Variants in RPS6KA3 observed in about 807,000 individuals in gnomAD.
RPS6KA3 encodes the protein ribosomal protein S6 kinase A3.
In RPS6KA3, 4 loss-of-function variants were observed where a neutral mutation model predicts 67.2. That is an observed-to-expected ratio of 0.06 (90% CI 0.03 to 0.14). RPS6KA3 has a LOEUF of 0.14. Among genes scored for constraint, RPS6KA3 ranks in the 10% least tolerant of loss-of-function variants. The probability of loss-of-function intolerance (pLI) is 1.00; values close to 1 mark genes in which losing one functional copy is unlikely to be tolerated. For synonymous variants in RPS6KA3, 182 were observed against 183.7 expected (o/e 0.99, Z 0.07); for missense variants, 204 against 559.0 (o/e 0.36, Z 6.40).
At chrX:20,261,472 T>C (rs1002493333) in intron 1 of RPS6KA3, among the ~76,000 whole-genome samples, 2 of 112,378 alleles carry the variant, frequency 1.8e-5, no homozygotes, top group Non-Finnish European at 3.8e-5. Context: ...AAAGTTTATC[T>C]TTCAACAGTT....
At position 20,162,974 on chromosome X, in the gene RPS6KA3, T is replaced by C. The variant is rs1413484122; in HGVS notation, c.1831A>G (p.Met611Val). The C allele has an allele frequency of 4.3e-6, 5 of 1,151,405 alleles. No individual in the cohort carries two copies. Among genetic ancestry groups the C allele is most frequent in the Non-Finnish European group, 6.0e-6 (5 of 840,210 alleles). 94.9% of individuals were successfully genotyped at this position (1,151,405 alleles called of 1,213,427 possible). ...ATGGTATACACTCACCCGGTAAGCA[T>C]TGTATAGAGTAGGACACCAAGACTC... ...IWSLGVLLYT[M>V]LTGYTPFANG... Residue 611 changes from methionine (M) to valine (V), a missense_variant, in exon 19 of 22, where the codon ATG becomes GTG. This residue lies in a region of RPS6KA3 where 73 missense variants were observed against 241.1 expected (regional missense o/e 0.30). Transcript: ENST00000379565.
intron 1 of RPS6KA3, among the ~76,000 whole-genome samples, chrX:20,260,059 T>C (rs761097944): frequency 1.8e-5 from 2 of 111,671 alleles, no homozygotes; most frequent in African/African-American, 6.5e-5. Flanking sequence ...ACAAATGTAT[T>C]TATAGTAATG....
chrX:20,182,295 CAT>C (rs1441497051), intron 10 of RPS6KA3, among the ~76,000 whole-genome samples: 1 of 111,748 alleles, frequency 8.9e-6, no homozygotes, highest in African/African-American at 3.3e-5. Context: ...CAAATAGAAT[CAT>C]ATAGTACTTT....
At chrX:20,213,616 G>A (rs1239988517) in intron 2 of RPS6KA3, among the ~76,000 whole-genome samples, 1 of 110,242 alleles carries the variant, frequency 9.1e-6, no homozygotes, top group Non-Finnish European at 1.9e-5. Context: ...CATTTCCTGA[G>A]TTAATGGGCG....
At chrX:20,201,996 T>A (rs1368369853) in intron 4 of RPS6KA3, among the ~76,000 whole-genome samples, 1 of 102,930 alleles carries the variant, frequency 9.7e-6, no homozygotes, top group Non-Finnish European at 2.0e-5. Context: ...TTTTTTTTTT[T>A]GAGACGGAGT....
chrX:20,260,370 T>C (rs1037185925), intron 1 of RPS6KA3, among the ~76,000 whole-genome samples: 1 of 112,052 alleles, frequency 8.9e-6, no homozygotes, highest in Non-Finnish European at 1.9e-5. Flanking sequence ...TGACATCCCA[T>C]GGACTGTGAG....
chrX:20,211,521 G>A (rs1433344788), intron 2 of RPS6KA3, among the ~76,000 whole-genome samples: 1 of 107,461 alleles, frequency 9.3e-6, no homozygotes, highest in African/African-American at 3.4e-5. Flanking sequence ...TGAACTTTTT[G>A]GTAGCACATC....
At chrX:20,203,866 A>C in intron 4 of RPS6KA3, 156 bp downstream of exon 4, 1 of 497,589 alleles carries the variant, frequency 2.0e-6, no homozygotes, top group Non-Finnish European at 3.6e-6. Context: ...TTCCTAGCCT[A>C]GCAGGAAAAA....
At chrX:20,256,246 G>GA (rs373307127) in intron 1 of RPS6KA3, among the ~76,000 whole-genome samples, 2,190 of 57,364 alleles carry the variant, frequency 0.038, 74 homozygotes, top group African/African-American at 0.14. Flanking sequence ...GACAGTCTAA[G>GA]AAAAAAAAAA....
intron 14 of RPS6KA3, 67 bp from the exon 15 acceptor site, chrX:20,172,938 A>G: frequency 1.0e-6 from 1 of 992,235 alleles, no homozygotes; most frequent in Non-Finnish European, 1.4e-6. Context: ...ATAGGGAAGT[A>G]TGTTACTCAG....
At chrX:20,236,972 T>C (rs1478106752) in intron 1 of RPS6KA3, among the ~76,000 whole-genome samples, 6 of 111,724 alleles carry the variant, frequency 5.4e-5, no homozygotes, top group Non-Finnish European at 9.4e-5. Flanking sequence ...ACCCTATTAA[T>C]TATGAAGTCT....
At chrX:20,251,899 C>T (rs2069881634) in intron 1 of RPS6KA3, among the ~76,000 whole-genome samples, 1 of 112,144 alleles carries the variant, frequency 8.9e-6, no homozygotes, top group Non-Finnish European at 1.9e-5. Context: ...GGGGAAATTT[C>T]AGCCATTATT....
In RPS6KA3 at chrX:20,152,228, A is replaced by T. The variant is rs1021817185; in HGVS notation, c.*3170T>A. On this transcript the variant is annotated 3_prime_UTR_variant, in exon 22 of 22. Coordinates refer to ENST00000379565, the MANE Select transcript of RPS6KA3 (RefSeq NM_004586.3). ...CTTGTGAATAAATGCATCCATATCA[A>T]ATCTGTTAAAGTTGGGGGTCTGTTG... is the stretch of plus-strand genomic sequence containing the variant. The T allele has an allele frequency of 8.9e-6, 1 of 112,151 alleles. No homozygotes were observed. The highest frequency in any genetic ancestry group is 1.9e-5 in the Non-Finnish European group (1 of 53,201). The allele number at this position is 112,151 out of a possible 1,213,427, so 9.2% of individuals were successfully genotyped here.
At chrX:20,213,232 C>T (rs1027940565) in intron 2 of RPS6KA3, among the ~76,000 whole-genome samples, 2 of 111,872 alleles carry the variant, frequency 1.8e-5, no homozygotes, top group African/African-American at 6.5e-5. Context: ...TAAACAGTGG[C>T]AGAATAGCTT....
At chrX:20,221,170 C>T (rs1247476004) in intron 2 of RPS6KA3, among the ~76,000 whole-genome samples, 4 of 111,306 alleles carry the variant, frequency 3.6e-5, no homozygotes, top group Admixed American at 1.9e-4. Context: ...GAGATTAATA[C>T]CAAATATCAC....
In RPS6KA3 at chrX:20,223,408, G is replaced by A. The variant is rs762927015; in HGVS notation, c.126+11350C>T. ...TGAACTTGGCATTATAAGGGTGGAC[G>A]GAAAGTGTGGTAGTGCTAATTTTTT... On this transcript the variant is annotated intron_variant, in intron 2 of 21. Transcript: ENST00000379565. Among the ~76,000 whole-genome samples the A allele has an allele frequency of 1.2e-4, 13 of 110,449 alleles. No homozygotes were observed. In the South Asian group the frequency reaches 4.1e-3, roughly 35 times the overall value.
intron 1 of RPS6KA3, among the ~76,000 whole-genome samples, chrX:20,256,098 G>T (rs1397599817): frequency 1.2e-5 from 1 of 83,843 alleles, no homozygotes; most frequent in Non-Finnish European, 2.1e-5. Context: ...TGACAGAGAA[G>T]AAATACATAT....
At chrX:20,207,860 C>T (rs997174447) in intron 3 of RPS6KA3, among the ~76,000 whole-genome samples, 12 of 111,989 alleles carry the variant, frequency 1.1e-4, no homozygotes, top group Non-Finnish European at 2.3e-4. Context: ...AATACCCCCA[C>T]TAAAATACAC....
rs1451842823 is a variant in RPS6KA3 at position 20,176,349 on chromosome X, G to A, written c.1003C>T (p.Leu335=). Residue 335 remains leucine (L), a synonymous_variant, in exon 13 of 22, where the codon CTG becomes TTG. Transcript: ENST00000379565. ...GGCGGATGAATTTCTCTTCTATACA[G>A]TTTCTGGAGGGGAAAAAAAAAAGAG... ...SFFSTIDWNK[L]YRREIHPPFK... 1 of 1,155,384 alleles carries A rather than the reference G, an allele frequency of 8.7e-7. No homozygotes were observed. Among genetic ancestry groups the A allele is most frequent in the South Asian group, 1.8e-5 (1 of 55,307 alleles).
Sources: gnomAD v4.1 joint callset for allele counts (sites outside exome capture counted in the v4.1 genomes callset) on GRCh38, gnomAD v4.1.1 for gene constraint, gnomAD v4.1.1 regional missense constraint, MANE v1.5 for transcripts, NCBI Gene and HGNC (gene_info 2026-07-23, HGNC 2026-07-21) for gene names.